Variants in KIAA0513 observed in about 807,000 individuals in gnomAD.
KIAA0513 encodes the protein KIAA0513, also known as uncharacterized protein KIAA0513.
Under a neutral mutation model 56.5 loss-of-function variants are expected in KIAA0513, and 39 were observed. The ratio of observed to expected loss-of-function variants is 0.69; its 90% CI spans 0.53 to 0.90. The LOEUF is 0.90. Among genes scored for constraint, KIAA0513 ranks in the 40% least tolerant of loss-of-function variants. The pLI is 0.00. For missense variants in KIAA0513, 591 were observed against 535.2 expected (o/e 1.10, Z -1.03); for synonymous variants, 268 against 215.6 (o/e 1.24, Z -2.13).
At chr16:85,047,983 G>A (rs921939383) in intron 1 of KIAA0513, among the ~76,000 whole-genome samples, 10 of 152,168 alleles carry the variant, frequency 6.6e-5, no homozygotes, top group Non-Finnish European at 1.0e-4. Flanking sequence ...GAAGGGTGGC[G>A]GGGGTGGTGC....
chr16:85,067,889 C>G (rs1038000739), intron 2 of KIAA0513, among the ~76,000 whole-genome samples: 15 of 151,858 alleles, frequency 9.9e-5, no homozygotes, highest in Middle Eastern at 3.4e-3. Flanking sequence ...CAGCTTAATG[C>G]AAGCTCTGCC....
intron 1 of KIAA0513, among the ~76,000 whole-genome samples, chr16:85,055,310 G>T (rs2073313360): frequency 2.0e-5 from 3 of 152,128 alleles, no homozygotes; most frequent in Admixed American, 6.5e-5. Flanking sequence ...ACCATGATGG[G>T]CTGGTTGAAA....
At position 85,074,522 on chromosome 16, in the gene KIAA0513, C is replaced by T. The variant is rs138077798; in HGVS notation, c.504-1322C>T. Among the ~76,000 whole-genome samples the T allele has an allele frequency of 4.7e-3, 712 of 152,280 alleles. 1 individual carries two copies. The highest frequency in any genetic ancestry group is 7.7e-3 in the South Asian group (37 of 4,826). On this transcript the variant is annotated intron_variant, in intron 4 of 12. Coordinates refer to ENST00000683363, the MANE Select transcript of KIAA0513 (RefSeq NM_001388359.1). The stretch of plus-strand genomic sequence containing the variant: ...CCAGTTCTCCTGCTTCATGTCTCTC[C>T]ACTTTCTCTCTTTCTCTTTGAACTT...
At chr16:85,070,012 AC>A (rs1386893299) in intron 2 of KIAA0513, among the ~76,000 whole-genome samples, 33 of 149,122 alleles carry the variant, frequency 2.2e-4, no homozygotes, top group Admixed American at 1.5e-3. Context: ...AAAAAAAAAA[AC>A]CACAAAAATT....
intron 2 of KIAA0513, among the ~76,000 whole-genome samples, chr16:85,071,482 G>A (rs915867472): frequency 1.3e-5 from 2 of 152,220 alleles, no homozygotes; most frequent in African/African-American, 4.8e-5. Context: ...TCCCCAGGCA[G>A]GGGTCAGGAG....
At position 85,081,286 on chromosome 16, in the gene KIAA0513, G is replaced by A. The variant is rs769872616; in HGVS notation, c.903-29G>A. ...CGTGTCCTCCCCGCCTCCCCTTGGA[G>A]AGAGTGTGACTGGGGCTCTGTCTTG... On this transcript the variant is annotated intron_variant, in intron 8 of 12. Coordinates refer to ENST00000683363, the MANE Select transcript of KIAA0513 (RefSeq NM_001388359.1). The surrounding 1 kb of genome is among the most constrained non-coding windows in gnomAD (Gnocchi z 4.4). 27 of 1,610,062 alleles carry A rather than the reference G, an allele frequency of 1.7e-5. No homozygotes were observed. The highest frequency in any genetic ancestry group is 1.6e-5 in the Non-Finnish European group (19 of 1,176,816).
chr16:85,086,978 AGGCCAT>A (rs1355315931), intron 11 of KIAA0513, 88 bp from the exon 12 acceptor site: 2 of 1,192,732 alleles, frequency 1.7e-6, no homozygotes, highest in East Asian at 2.4e-5. Flanking sequence ...AATTCCAGGC[AGGCCAT>A]GGTGGGCGTC....
Position 85,058,897 on chromosome 16 carries a change from T to C in KIAA0513, c.-172-8003T>C, listed in dbSNP as rs544878781. ...TTTTATGAGCAAGGATGCTTTTCTT[T>C]TTTGCTTTGGCTGCCAAGAAACTCA... is the stretch of plus-strand genomic sequence containing the variant. On this transcript the variant is annotated intron_variant, in intron 1 of 12. Transcript: ENST00000683363. Among the ~76,000 whole-genome samples, 5 of 152,312 alleles carry C rather than the reference T, an allele frequency of 3.3e-5. No individual in the cohort carries two copies. The South Asian group carries it at 1.0e-3, about 32-fold the overall frequency.
chr16:85,078,241 T>C (rs1040728329), intron 6 of KIAA0513, among the ~76,000 whole-genome samples, 174 bp from the exon 7 acceptor site: 10 of 152,254 alleles, frequency 6.6e-5, no homozygotes, highest in African/African-American at 1.9e-4. Flanking sequence ...CCACATTTCC[T>C]GAATTCTGAA....
At chr16:85,088,172 C>G in intron 12 of KIAA0513, 104 bp from the exon 13 acceptor site, 1 of 1,032,952 alleles carries the variant, frequency 9.7e-7, no homozygotes, top group Non-Finnish European at 1.5e-6. Flanking sequence ...TGCAGCCCTG[C>G]TCCCAGGGAG....
chr16:85,077,029 C>CGA (rs2073665798), intron 5 of KIAA0513, among the ~76,000 whole-genome samples: 1 of 152,162 alleles, frequency 6.6e-6, no homozygotes, highest in Non-Finnish European at 1.5e-5. Flanking sequence ...TCCAGGCCCC[C>CGA]CCCCAACCCG....
At chr16:85,051,341 C>G (rs1031112631) in intron 1 of KIAA0513, among the ~76,000 whole-genome samples, 2 of 152,114 alleles carry the variant, frequency 1.3e-5, no homozygotes, top group African/African-American at 4.8e-5. Flanking sequence ...AAAATAGGAC[C>G]TATCTTTGGA....
chr16:85,038,227 C>A (rs968240715), intron 1 of KIAA0513, among the ~76,000 whole-genome samples: 1 of 152,198 alleles, frequency 6.6e-6, no homozygotes, highest in Non-Finnish European at 1.5e-5. Flanking sequence ...TTGCCTCTTC[C>A]CTGGGCTGGG....
At chr16:85,079,770 G>A (rs1205702850) in intron 8 of KIAA0513, 1 of 152,172 alleles carries the variant, frequency 6.6e-6, no homozygotes, top group Non-Finnish European at 1.5e-5. Flanking sequence ...TGTTTTAGAG[G>A]GTGAATTTCA....
In KIAA0513 at chr16:85,089,912, T is replaced by A. The variant is rs1004266810; in HGVS notation, c.*1587T>A. 3 of 152,224 alleles carry A rather than the reference T, an allele frequency of 2.0e-5. No homozygotes were observed. The highest frequency in any genetic ancestry group is 7.2e-5 in the African/African-American group (3 of 41,428). The allele number at this position is 152,224 out of a possible 1,614,324, so 9.4% of individuals were successfully genotyped here. On this transcript the variant is annotated 3_prime_UTR_variant, in exon 13 of 13. Coordinates refer to ENST00000683363, the MANE Select transcript of KIAA0513 (RefSeq NM_001388359.1). This position sits in a 1 kb window ranked among gnomAD's most constrained non-coding sequence, Gnocchi z 4.2. ...GAAACGTGGTGTCATCTGATGCATT[T>A]GGACCATATGCTGCCAGACTGCAGA...
intron 2 of KIAA0513, among the ~76,000 whole-genome samples, chr16:85,069,397 G>A (rs2073538972): frequency 6.6e-6 from 1 of 152,022 alleles, no homozygotes; most frequent in East Asian, 1.9e-4. Context: ...AGAAGCAGCT[G>A]TTTGCATGGG....
intron 1 of KIAA0513, among the ~76,000 whole-genome samples, chr16:85,064,554 T>G (rs2143997380): frequency 6.6e-6 from 1 of 152,376 alleles, no homozygotes; most frequent in South Asian, 2.1e-4. Context: ...ACCATAACTT[T>G]ACCAGTATTT....
chr16:85,056,673 C>T (rs1196756016), intron 1 of KIAA0513, among the ~76,000 whole-genome samples: 1 of 152,168 alleles, frequency 6.6e-6, no homozygotes, highest in East Asian at 1.9e-4. Flanking sequence ...TGCTGGCCCC[C>T]TCTGCTCAAT....
intron 2 of KIAA0513, 24 bp from the exon 3 acceptor site, chr16:85,071,759 T>A: frequency 4.1e-6 from 6 of 1,459,712 alleles, no homozygotes; most frequent in South Asian, 1.2e-5. Flanking sequence ...TTTTTTTTCC[T>A]CTGCTCTTTT....
Sources: allele counts gnomAD v4.1 joint callset (sites outside exome capture counted in the v4.1 genomes callset), GRCh38; gene constraint gnomAD v4.1.1; non-coding constraint Gnocchi (gnomAD v3.1); transcripts MANE v1.5; gene names NCBI Gene and HGNC (gene_info 2026-07-23, HGNC 2026-07-21).